PPP1CC: variants seen among roughly 807,000 people sequenced by gnomAD.
PPP1CC encodes the protein serine/threonine-protein phosphatase PP1-gamma catalytic subunit.
Under a neutral mutation model 38.4 loss-of-function variants are expected in PPP1CC, and 16 were observed. The observed-to-expected ratio is 0.42, with a 90% confidence interval of 0.28 to 0.63. The LOEUF (loss-of-function observed/expected upper bound fraction) is 0.63. Ranked by LOEUF, PPP1CC falls within the 30% of genes least tolerant of loss-of-function variation. The probability of loss-of-function intolerance (pLI) is 0.25; values close to 1 mark genes in which losing one functional copy is unlikely to be tolerated. For missense variants in PPP1CC, 170 were observed against 391.3 expected (o/e 0.43, Z 4.77); for synonymous variants, 158 against 136.0 (o/e 1.16, Z -1.13).
intron 1 of PPP1CC, among the ~76,000 whole-genome samples, chr12:110,738,767 C>G (rs2069977370): frequency 6.6e-6 from 1 of 152,170 alleles, no homozygotes; most frequent in African/African-American, 2.4e-5. Flanking sequence ...CCTCCTGCTA[C>G]TGACAGGCAA....
At chr12:110,740,124 A>C (rs1158594373) in intron 1 of PPP1CC, among the ~76,000 whole-genome samples, 1 of 152,186 alleles carries the variant, frequency 6.6e-6, no homozygotes, top group Non-Finnish European at 1.5e-5. Flanking sequence ...GCTTTTTAGT[A>C]CTATTACTCA....
intron 1 of PPP1CC, chr12:110,733,045 T>A (rs2069897880): frequency 6.6e-6 from 1 of 152,214 alleles, no homozygotes; most frequent in Middle Eastern, 3.2e-3. Context: ...AGGAAAGATA[T>A]GAAACAGATG....
downstream of PPP1CC, among the ~76,000 whole-genome samples, chr12:110,714,928 T>C (rs575039030): frequency 6.8e-6 from 1 of 146,210 alleles, no homozygotes; most frequent in Non-Finnish European, 1.5e-5. Context: ...CAAAGCCCCA[T>C]CAGATGGTAA....
In PPP1CC at chr12:110,722,293, A is replaced by T. The variant is rs201292716; in HGVS notation, c.748-24T>A. ...ACCTTGAAGAGAAAATTTTTTCAAT[A>T]TAAATAGGTGCAAATATTAGGTGAG... On this transcript the variant is annotated intron_variant, in intron 5 of 6. Coordinates refer to ENST00000335007, the MANE Select transcript of PPP1CC (RefSeq NM_002710.4). The surrounding 1 kb of genome is among the most constrained non-coding windows in gnomAD (Gnocchi z 5.4). 744 of 1,610,548 alleles carry T rather than the reference A, an allele frequency of 4.6e-4. No individual in the cohort carries two copies. Among genetic ancestry groups the T allele is most frequent in the Non-Finnish European group, 6.0e-4 (704 of 1,177,452 alleles).
At chr12:110,736,631 G>A (rs1031815168) in intron 1 of PPP1CC, among the ~76,000 whole-genome samples, 27 of 152,142 alleles carry the variant, frequency 1.8e-4, no homozygotes, top group Non-Finnish European at 3.4e-4. Context: ...GCCACAGAGT[G>A]AGATCCTGTC....
chr12:110,708,767 T>G, the PPP1CC span, among the ~76,000 whole-genome samples: 1 of 149,482 alleles, frequency 6.7e-6, no homozygotes, highest in Non-Finnish European at 1.5e-5. Flanking sequence ...GAAAATTGCT[T>G]GAATCTGGGG....
chr12:110,737,465 C>CA (rs1566088309), intron 1 of PPP1CC, among the ~76,000 whole-genome samples: 1 of 9,748 alleles, frequency 1.0e-4, no homozygotes, highest in African/African-American at 5.0e-4. Flanking sequence ...GCCTGGGTGA[C>CA]AAAGAAAGAC....
the PPP1CC span, among the ~76,000 whole-genome samples, chr12:110,708,850 C>CAAAAAAAAAA: frequency 3.1e-5 from 2 of 65,338 alleles, no homozygotes; most frequent in South Asian, 5.5e-4. Context: ...GAGTCCATCT[C>CAAAAAAAAAA]AAAAAAAAAA....
rs1466429300 is a variant in PPP1CC, at chr12:110,731,318, G to A, written c.187+452C>T. ...TTTTATCAATGCAAATATGCTATAAGAATATATTACTCAAACGAATAAAGT... is the reference window on the plus strand; with the variant it reads ...TTTTATCAATGCAAATATGCTATAAAAATATATTACTCAAACGAATAAAGT... On this transcript the variant is annotated intron_variant, in intron 2 of 6. Coordinates refer to ENST00000335007, the MANE Select transcript of PPP1CC (RefSeq NM_002710.4). Among the ~76,000 whole-genome samples the A allele has an allele frequency of 1.3e-5, 2 of 151,408 alleles. 1 individual carries two copies. Among genetic ancestry groups the A allele is most frequent in the South Asian group, 4.2e-4 (2 of 4,812 alleles).
intron 3 of PPP1CC, among the ~76,000 whole-genome samples, chr12:110,728,029 G>A (rs2069822187): frequency 6.6e-6 from 1 of 152,196 alleles, no homozygotes; most frequent in Non-Finnish European, 1.5e-5. Flanking sequence ...CAAAAATGAG[G>A]TCAACTGGAT....
the PPP1CC span, among the ~76,000 whole-genome samples, chr12:110,714,109 G>A: frequency 6.6e-6 from 1 of 151,834 alleles, no homozygotes; most frequent in Non-Finnish European, 1.5e-5. Flanking sequence ...AAAAACAAAC[G>A]AAAACAAAAA....
Position 110,726,661 on chromosome 12 carries a change from T to C in PPP1CC, c.419-1897A>G, listed in dbSNP as rs1226578896. 3 of 152,284 alleles carry C rather than the reference T, an allele frequency of 2.0e-5. No individual in the cohort carries two copies. In the East Asian group the frequency reaches 5.8e-4, roughly 29 times the overall value. 9.4% of individuals were successfully genotyped at this position (152,284 alleles called of 1,614,324 possible). On this transcript the variant is annotated intron_variant, in intron 3 of 6. Coordinates refer to ENST00000335007, the MANE Select transcript of PPP1CC (RefSeq NM_002710.4). ...ACCACCACAGGATGAGTATCCTTAA[T>C]CCAAGATGCTCCAAAATTTGGAACT...
chr12:110,731,977 A>G, intron 1 of PPP1CC, 76 bp from the exon 2 acceptor site: 1 of 1,533,078 alleles, frequency 6.5e-7, no homozygotes, highest in Non-Finnish European at 8.9e-7. Flanking sequence ...TAAAGGGGCA[A>G]AAACATGGTT....
chr12:110,708,850 CAAA>C, the PPP1CC span, among the ~76,000 whole-genome samples: 1 of 65,422 alleles, frequency 1.5e-5, no homozygotes, highest in African/African-American at 4.8e-5. Flanking sequence ...GAGTCCATCT[CAAA>C]AAAAAAAAAA....
the PPP1CC span, among the ~76,000 whole-genome samples, chr12:110,708,517 T>C: frequency 1.3e-5 from 2 of 152,062 alleles, no homozygotes; most frequent in African/African-American, 2.4e-5. Flanking sequence ...GATCTGCAGG[T>C]TTGTGGCCTA....
At chr12:110,741,229 T>A (rs2070013832) in intron 1 of PPP1CC, among the ~76,000 whole-genome samples, 1 of 151,968 alleles carries the variant, frequency 6.6e-6, no homozygotes, top group African/African-American at 2.4e-5. Context: ...AAGGAAAGAA[T>A]GCACAGATTA....
Position 110,720,239 on chromosome 12 carries a change from G to C in PPP1CC, c.*837C>G. ...GATTACTTAATGAATAGACTATATGGAAATTGTATAAAATGTTATTACCTT... is the reference window on the plus strand; with the variant it reads ...GATTACTTAATGAATAGACTATATGCAAATTGTATAAAATGTTATTACCTT... On this transcript the variant is annotated 3_prime_UTR_variant, in exon 7 of 7. Transcript: ENST00000335007. The C allele has an allele frequency of 2.0e-6, 3 of 1,485,154 alleles. No homozygotes were observed. The highest frequency in any genetic ancestry group is 2.7e-6 in the Non-Finnish European group (3 of 1,101,160). 92.0% of individuals were successfully genotyped at this position (1,485,154 alleles called of 1,614,324 possible). A position where few individuals can be genotyped will look rare whatever the true frequency, so the allele number is the denominator to read the frequency against.
chr12:110,716,307 TGTAG>T (rs1375741967), downstream of PPP1CC, among the ~76,000 whole-genome samples: 1 of 152,176 alleles, frequency 6.6e-6, no homozygotes, highest in Non-Finnish European at 1.5e-5. Flanking sequence ...CTTGAACTTA[TGTAG>T]GTAAAATTCT....
chr12:110,734,600 C>G (rs536262035), intron 1 of PPP1CC: 2 of 153,864 alleles, frequency 1.3e-5, no homozygotes, highest in African/African-American at 4.8e-5. Flanking sequence ...CCTCGGCGCC[C>G]AAAGTGCCAG....
Sources: gnomAD v4.1 joint callset for allele counts (sites outside exome capture counted in the v4.1 genomes callset) on GRCh38, gnomAD v4.1.1 for gene constraint, Gnocchi (gnomAD v3.1) non-coding constraint, MANE v1.5 for transcripts, NCBI Gene and HGNC (gene_info 2026-07-23, HGNC 2026-07-21) for gene names.